KCNA2: variants seen among roughly 807,000 people sequenced by gnomAD.
KCNA2 encodes potassium channel, voltage gated shaker related subfamily A, member 2.
In KCNA2, 11 loss-of-function variants were observed where a neutral mutation model predicts 33.4. The ratio of observed to expected loss-of-function variants is 0.33; its 90% CI spans 0.21 to 0.55. The LOEUF (loss-of-function observed/expected upper bound fraction) is 0.55. KCNA2 is among the 20% of genes least tolerant of loss of function. KCNA2 has a pLI of 0.93. For missense variants in KCNA2, 291 were observed against 621.6 expected (o/e 0.47, Z 5.66); for synonymous variants, 222 against 231.3 (o/e 0.96, Z 0.37).
In KCNA2 at chr1:110,599,359, T is replaced by C; in HGVS notation, c.*3924A>G. 1 of 985,370 alleles carries C rather than the reference T, an allele frequency of 1.0e-6. No individual in the cohort carries two copies. The highest frequency in any genetic ancestry group is 4.7e-5 in the South Asian group (1 of 21,280). 61.0% of individuals were successfully genotyped at this position (985,370 alleles called of 1,614,324 possible). ...GGATAAAGTCAGGCCCTCTAAAAAG[T>C]GTTAGCTTGCTTAGCCTTAGATGTA... On this transcript the variant is annotated 3_prime_UTR_variant, in exon 3 of 3. Coordinates refer to ENST00000316361, the MANE Select transcript of KCNA2 (RefSeq NM_004974.4).
rs1344962612 is a variant in KCNA2 at position 110,601,997 on chromosome 1, C to T, written c.*1286G>A. On this transcript the variant is annotated 3_prime_UTR_variant, in exon 3 of 3. Coordinates refer to ENST00000316361, the MANE Select transcript of KCNA2 (RefSeq NM_004974.4). ...GAGGAACGCGTGAAAGAGAGATACT[C>T]GATATATATTTATATACACTGGATC... The T allele has an allele frequency of 2.1e-5, 32 of 1,539,644 alleles. No homozygotes were observed. Among genetic ancestry groups the T allele is most frequent in the Non-Finnish European group, 2.5e-5 (29 of 1,139,938 alleles).
rs1189282840 is a variant in KCNA2, at chr1:110,595,686, C to G, written c.*7597G>C. 7.1e-6 allele frequency: 7 copies of G among 985,294 alleles called. No individual in the cohort carries two copies. The Admixed American group carries it at 3.1e-4, about 43-fold the overall frequency. The allele number at this position is 985,294 out of a possible 1,614,324, so 61.0% of individuals were successfully genotyped here. A position where few individuals can be genotyped will look rare whatever the true frequency, so the allele number is the denominator to read the frequency against. On this transcript the variant is annotated 3_prime_UTR_variant, in exon 3 of 3. Coordinates refer to ENST00000316361, the MANE Select transcript of KCNA2 (RefSeq NM_004974.4). ...CTTGAGTGATGTGTACAGCTTACCC[C>G]CAAAGAGGCAACTGAATTTCAGCTG...
In KCNA2 at chr1:110,603,901, A is replaced by G. The variant is rs750949284; in HGVS notation, c.882T>C (p.Arg294=). 1.1e-5 allele frequency: 18 copies of G among 1,614,204 alleles called. No individual in the cohort carries two copies. In the South Asian group the frequency reaches 2.0e-4, roughly 18 times the overall value. The part of the protein sequence containing the change: ...GQQAMSLAIL[R]VIRLVRVFRI... ...TAAAGACTCTTACCAACCGGATGAC[A>G]CGGAGGATGGCCAGTGACATGGCCT... The change falls in exon 3 of 3, where the codon CGT becomes CGC. Residue 294 remains arginine, a synonymous_variant. Transcript: ENST00000316361. The surrounding 1 kb of genome is among the most constrained non-coding windows in gnomAD (Gnocchi z 5.7).
Position 110,600,959 on chromosome 1 carries a change from AC to A in KCNA2, c.*2323del. On this transcript the variant is annotated 3_prime_UTR_variant, in exon 3 of 3. Coordinates refer to ENST00000316361, the MANE Select transcript of KCNA2 (RefSeq NM_004974.4). ...GCTGGAGCCACCCCTGCATAGCCCG[AC>A]CCCTGCAATTCACTGTTTGGGAAAA... The A allele has an allele frequency of 2.0e-6, 2 of 985,418 alleles. No homozygotes were observed. The highest frequency in any genetic ancestry group is 2.4e-6 in the Non-Finnish European group (2 of 829,990). The allele number at this position is 985,418 out of a possible 1,614,324, so 61.0% of individuals were successfully genotyped here. A position where few individuals can be genotyped will look rare whatever the true frequency, so the allele number is the denominator to read the frequency against.
At position 110,604,696 on chromosome 1, in the gene KCNA2, G is replaced by A. The variant is rs2101404284; in HGVS notation, c.87C>T (p.His29=). ...PQDTYDPEAD[H]ECCERVVINI... is the part of the protein sequence containing the mutation. ...TGATCACCACCCTCTCACAGCACTC[G>A]TGGTCTGCCTCTGGGTCATAGGTGT... The change falls in exon 3 of 3, where the codon CAC becomes CAT. Residue 29 remains histidine (H), a synonymous_variant. Coordinates refer to ENST00000316361, the MANE Select transcript of KCNA2 (RefSeq NM_004974.4). The surrounding 1 kb of genome is among the most constrained non-coding windows in gnomAD (Gnocchi z 7.6). 2.5e-6 allele frequency: 4 copies of A among 1,614,150 alleles called. No homozygotes were observed. The South Asian group carries it at 4.4e-5, about 18-fold the overall frequency.
At chr1:110,617,763 C>A (rs991922760) in intron 1 of KCNA2, among the ~76,000 whole-genome samples, 4 of 152,116 alleles carry the variant, frequency 2.6e-5, no homozygotes, top group Non-Finnish European at 4.4e-5. Context: ...CACAGGGCTT[C>A]AGAGAGGTGG....
In KCNA2 at chr1:110,602,869, T is replaced by G. The variant is rs567669798; in HGVS notation, c.*414A>C. On this transcript the variant is annotated 3_prime_UTR_variant, in exon 3 of 3. Transcript: ENST00000316361. Reference sequence around the variant, plus strand: ...ACACCAGCTATTTAAAGCTAAGCCATGATTGTGTTCCTCTGTGAAAGGGCA... The same window carrying G: ...ACACCAGCTATTTAAAGCTAAGCCAGGATTGTGTTCCTCTGTGAAAGGGCA... 1.7e-4 allele frequency: 175 copies of G among 1,015,468 alleles called. No individual in the cohort carries two copies. The highest frequency in any genetic ancestry group is 2.0e-4 in the Non-Finnish European group (169 of 849,988). 62.9% of individuals were successfully genotyped at this position (1,015,468 alleles called of 1,614,324 possible).
At chr1:110,611,783 G>A (rs1056514694) in intron 1 of KCNA2, among the ~76,000 whole-genome samples, 8 of 151,726 alleles carry the variant, frequency 5.3e-5, no homozygotes, top group Non-Finnish European at 1.2e-4. Context: ...AACACTCTGG[G>A]AGGTTGAGGA....
chr1:110,596,717 G>A lies in KCNA2; in HGVS notation c.*6566C>T, dbSNP rs1338853328. ...GGAAATATTTTTCTCAATAACAAAGGTTGAACCAGACATGCTTTCCCATTC... is the reference window on the plus strand; with the variant it reads ...GGAAATATTTTTCTCAATAACAAAGATTGAACCAGACATGCTTTCCCATTC... On this transcript the variant is annotated 3_prime_UTR_variant, in exon 3 of 3. Coordinates refer to ENST00000316361, the MANE Select transcript of KCNA2 (RefSeq NM_004974.4). 2.0e-6 allele frequency: 2 copies of A among 984,738 alleles called. No homozygotes were observed. The highest frequency in any genetic ancestry group is 2.3e-4 in the East Asian group (2 of 8,830). The allele number at this position is 984,738 out of a possible 1,614,324, so 61.0% of individuals were successfully genotyped here. A position where few individuals can be genotyped will look rare whatever the true frequency, so the allele number is the denominator to read the frequency against.
At position 110,602,592 on chromosome 1, in the gene KCNA2, C is replaced by A; in HGVS notation, c.*691G>T. The stretch of plus-strand genomic sequence containing the variant: ...TGGTTTGTTAGCTTCTCCCCATAGG[C>A]CTAAGGGAACAAATGTGAAACTTGA... On this transcript the variant is annotated 3_prime_UTR_variant, in exon 3 of 3. Transcript: ENST00000316361. 1 of 1,012,918 alleles carries A rather than the reference C, an allele frequency of 9.9e-7. No homozygotes were observed. The highest frequency in any genetic ancestry group is 1.2e-6 in the Non-Finnish European group (1 of 847,682). 62.7% of individuals were successfully genotyped at this position (1,012,918 alleles called of 1,614,324 possible). A position where few individuals can be genotyped will look rare whatever the true frequency, so the allele number is the denominator to read the frequency against.
In KCNA2 at chr1:110,594,696, C is replaced by A; in HGVS notation, c.*8587G>T. The A allele has an allele frequency of 4.1e-6, 4 of 985,312 alleles. No individual in the cohort carries two copies. The highest frequency in any genetic ancestry group is 4.8e-6 in the Non-Finnish European group (4 of 829,958). 61.0% of individuals were successfully genotyped at this position (985,312 alleles called of 1,614,324 possible). On this transcript the variant is annotated 3_prime_UTR_variant, in exon 3 of 3. Transcript: ENST00000316361. Reference sequence around the variant, plus strand: ...CAAAAGGAAACTGGGTCGCTGGATCCCACGTGAAGGCAGAACTGGGGCAAG... The same window carrying A: ...CAAAAGGAAACTGGGTCGCTGGATCACACGTGAAGGCAGAACTGGGGCAAG...
At chr1:110,613,938 G>A (rs1275748114) in intron 1 of KCNA2, among the ~76,000 whole-genome samples, 8 of 152,296 alleles carry the variant, frequency 5.3e-5, no homozygotes, top group Admixed American at 2.6e-4. Flanking sequence ...CTAAGGACCC[G>A]TGGTCTTCCA....
In KCNA2 at chr1:110,603,733, C is replaced by T. The variant is rs771963870; in HGVS notation, c.1050G>A (p.Glu350=). The T allele has an allele frequency of 1.2e-5, 20 of 1,613,880 alleles. No individual in the cohort carries two copies. Among genetic ancestry groups the T allele is most frequent in the East Asian group, 6.7e-5 (3 of 44,894 alleles). Residue 350 remains glutamate (E), a synonymous_variant, in exon 3 of 3, where the codon GAG becomes GAA. Transcript: ENST00000316361. The surrounding 1 kb of genome is among the most constrained non-coding windows in gnomAD (Gnocchi z 5.7). ...ILFSSAVYFA[E]ADERESQFPS... is the part of the protein sequence containing the mutation. ...GGAACTGGGACTCTCGCTCATCGGC[C>T]TCTGCAAAATACACAGCACTAGAGA...
intron 1 of KCNA2, among the ~76,000 whole-genome samples, chr1:110,615,433 A>AACAT (rs1650018769): frequency 6.6e-6 from 1 of 152,162 alleles, no homozygotes; most frequent in Non-Finnish European, 1.5e-5. Flanking sequence ...TTTTATTTCA[A>AACAT]ACATACATAT....
At chr1:110,614,290 A>T (rs984501960) in intron 1 of KCNA2, among the ~76,000 whole-genome samples, 3 of 152,340 alleles carry the variant, frequency 2.0e-5, no homozygotes, top group Admixed American at 6.5e-5. Flanking sequence ...TGGGCCATGT[A>T]TCAAAGTCTC....
At chr1:110,610,862 C>T (rs1347826351), upstream of KCNA2, among the ~76,000 whole-genome samples, 5 of 152,174 alleles carry the variant, frequency 3.3e-5, no homozygotes, top group Non-Finnish European at 7.4e-5. Context: ...CCCAAAGGCT[C>T]CCAAAGGGGA....
upstream of KCNA2, among the ~76,000 whole-genome samples, chr1:110,608,571 T>C (rs1239211748): frequency 6.6e-6 from 1 of 152,146 alleles, no homozygotes; most frequent in African/African-American, 2.4e-5. Context: ...TGAGGTGTGG[T>C]TGAAGACTGG....
rs894402386 is a variant in KCNA2 at position 110,599,259 on chromosome 1, G to A, written c.*4024C>T. ...CAGCTCTCAGCTAGTCCTACTTAGGGGAAGAACCAGCTCCAAGAGTAATCC... is the reference window on the plus strand; with the variant it reads ...CAGCTCTCAGCTAGTCCTACTTAGGAGAAGAACCAGCTCCAAGAGTAATCC... On this transcript the variant is annotated 3_prime_UTR_variant, in exon 3 of 3. Transcript: ENST00000316361. 3.3e-5 allele frequency: 32 copies of A among 984,374 alleles called. No homozygotes were observed. The Middle Eastern group carries it at 1.5e-3, about 48-fold the overall frequency. 61.0% of individuals were successfully genotyped at this position (984,374 alleles called of 1,614,324 possible).
At chr1:110,628,176 G>A (rs1650450292) in intron 1 of KCNA2, among the ~76,000 whole-genome samples, 1 of 152,176 alleles carries the variant, frequency 6.6e-6, no homozygotes, top group African/African-American at 2.4e-5. Context: ...TTAGCCCTGA[G>A]CATTAATGGT....
Sources: allele counts gnomAD v4.1 joint callset (sites outside exome capture counted in the v4.1 genomes callset), GRCh38; gene constraint gnomAD v4.1.1; non-coding constraint Gnocchi (gnomAD v3.1); transcripts MANE v1.5; gene names NCBI Gene and HGNC (gene_info 2026-07-23, HGNC 2026-07-21).